The following TNFRSF10B variants were observed in gnomAD, a reference collection of about 807,000 sequenced individuals.
The protein encoded by TNFRSF10B is TNF receptor superfamily member 10b.
A neutral mutation model predicts 41.4 loss-of-function variants in TNFRSF10B; 35 were observed. The ratio of observed to expected loss-of-function variants is 0.85; its 90% CI spans 0.65 to 1.12. TNFRSF10B has a LOEUF of 1.12. TNFRSF10B is among the 50% of genes most tolerant of loss of function. The probability of loss-of-function intolerance (pLI) is 0.00; values close to 1 mark genes in which losing one functional copy is unlikely to be tolerated. For missense variants in TNFRSF10B, 584 were observed against 552.7 expected (o/e 1.06, Z -0.57); for synonymous variants, 230 against 215.5 (o/e 1.07, Z -0.59).
intron 7 of TNFRSF10B, 125 bp downstream of exon 7, chr8:23,027,008 C>G: frequency 1.4e-6 from 2 of 1,446,048 alleles, no homozygotes; most frequent in Non-Finnish European, 1.9e-6. Context: ...CCCCTGCAGT[C>G]CCCTGGCTCC....
At chr8:23,025,034 C>T (rs1201751365) in intron 7 of TNFRSF10B, among the ~76,000 whole-genome samples, 3 of 152,026 alleles carry the variant, frequency 2.0e-5, no homozygotes, top group Admixed American at 6.5e-5. Context: ...AACTGTCGTC[C>T]GAGCTACTCA....
In TNFRSF10B at chr8:23,022,713, C is replaced by A. The variant is rs778266094; in HGVS notation, c.1281G>T (p.Lys427Asn). The A allele has an allele frequency of 1.9e-6, 3 of 1,613,948 alleles. No homozygotes were observed. In the African/African-American group the frequency reaches 4.0e-5, roughly 22 times the overall value. The change falls in exon 9 of 9, where the codon AAG (lysine) becomes AAT (asparagine). Residue 427 changes from lysine to asparagine, a missense_variant. Transcript: ENST00000276431. ...KIEDHLLSSG[K>N]FMYLEGNADS... Reference sequence around the variant, plus strand: ...CTGCATTACCTTCTAGATACATGAACTTTCCAGAGCTCAACAAGTGGTCCT... The same window carrying A: ...CTGCATTACCTTCTAGATACATGAAATTTCCAGAGCTCAACAAGTGGTCCT...
chr8:23,041,446 C>T (rs62503609), intron 2 of TNFRSF10B, among the ~76,000 whole-genome samples: 1,559 of 152,162 alleles, frequency 0.01, 12 homozygotes, highest in Admixed American at 0.015. Flanking sequence ...GTGAGAGGAT[C>T]GCTTGAGCCC....
chr8:23,040,347 A>ATATG (rs1448714222), intron 2 of TNFRSF10B, among the ~76,000 whole-genome samples: 1 of 37,684 alleles, frequency 2.7e-5, no homozygotes, highest in Non-Finnish European at 5.5e-5. Flanking sequence ...TTTATTAAAT[A>ATATG]TATACAAAAT....
In TNFRSF10B at chr8:23,030,958, G is replaced by C. The variant is rs541783446; in HGVS notation, c.251-86C>G. On this transcript the variant is annotated intron_variant, in intron 2 of 8. Coordinates refer to ENST00000276431, the MANE Select transcript of TNFRSF10B (RefSeq NM_003842.5). ...GGTGGCTGGGGGACTCCTCTTTCAG[G>C]GATGTGTGGAACCAAAAGAGGGAAA... 7 of 927,976 alleles carry C rather than the reference G, an allele frequency of 7.5e-6. No homozygotes were observed. In the South Asian group the frequency reaches 8.4e-5, roughly 11 times the overall value. The allele number at this position is 927,976 out of a possible 1,614,324, so 57.5% of individuals were successfully genotyped here. A position where few individuals can be genotyped will look rare whatever the true frequency, so the allele number is the denominator to read the frequency against.
intron 1 of TNFRSF10B, among the ~76,000 whole-genome samples, chr8:23,062,230 T>C (rs1812851652): frequency 6.6e-6 from 1 of 152,146 alleles, no homozygotes; most frequent in African/African-American, 2.4e-5. Context: ...TCTTTTTCTT[T>C]CTTTCTTTGA....
intron 1 of TNFRSF10B, among the ~76,000 whole-genome samples, chr8:23,058,300 T>C (rs894374307): frequency 1.4e-4 from 21 of 152,212 alleles, no homozygotes; most frequent in South Asian, 2.1e-4. Context: ...TGCTTTTTCA[T>C]CCTTCTAACC....
chr8:23,029,079 GA>G (rs983575220), intron 4 of TNFRSF10B, among the ~76,000 whole-genome samples: 1 of 152,130 alleles, frequency 6.6e-6, no homozygotes, highest in African/African-American at 2.4e-5. Flanking sequence ...CCCAAATAGG[GA>G]AAAGACAGGT....
chr8:23,042,897 C>T (rs1226661789), intron 2 of TNFRSF10B: 6 of 454,244 alleles, frequency 1.3e-5, no homozygotes, highest in Non-Finnish European at 2.4e-5. Flanking sequence ...GCCTCACCAG[C>T]CCCATCTCTG....
At chr8:23,031,550 G>A (rs1428959646) in intron 2 of TNFRSF10B, among the ~76,000 whole-genome samples, 1 of 151,942 alleles carries the variant, frequency 6.6e-6, no homozygotes. Flanking sequence ...ACCACACCGG[G>A]TTAATTTTTA....
In TNFRSF10B at chr8:23,022,827, C is replaced by A; in HGVS notation, c.1167G>T (p.Trp389Cys). ...AGGCATCTCGCCCGGTTTTGTTGAC[C>A]CACTTTATCAGCATCGTGTACAAGG... ...RDTLYTMLIK[W>C]VNKTGRDASV... The change falls in exon 9 of 9, where the codon TGG (tryptophan) becomes TGT (cysteine). Residue 389 changes from tryptophan (W) to cysteine (C), a missense_variant. Transcript: ENST00000276431. The A allele has an allele frequency of 1.2e-6, 2 of 1,613,944 alleles. No homozygotes were observed. The highest frequency in any genetic ancestry group is 1.7e-6 in the Non-Finnish European group (2 of 1,179,938).
chr8:23,041,664 A>G (rs1237228880), intron 2 of TNFRSF10B, among the ~76,000 whole-genome samples: 1 of 151,970 alleles, frequency 6.6e-6, no homozygotes, highest in African/African-American at 2.4e-5. Flanking sequence ...TAGGAGAACC[A>G]GTGTACAAAC....
intron 1 of TNFRSF10B, among the ~76,000 whole-genome samples, chr8:23,043,906 G>T (rs1431067440): frequency 1.3e-5 from 2 of 152,130 alleles, no homozygotes; most frequent in African/African-American, 4.8e-5. Context: ...TGGCCTATAT[G>T]GTATAGCCTT....
chr8:23,024,354 AC>A (rs1478009091), intron 7 of TNFRSF10B, 94 bp from the exon 8 acceptor site: 1 of 1,342,740 alleles, frequency 7.4e-7, no homozygotes, highest in Non-Finnish European at 1.1e-6. Context: ...GACCTGCAGC[AC>A]GTCACTTCCA....
intron 1 of TNFRSF10B, among the ~76,000 whole-genome samples, chr8:23,063,622 T>C (rs1170371726): frequency 6.6e-6 from 1 of 152,176 alleles, no homozygotes; most frequent in African/African-American, 2.4e-5. Flanking sequence ...GCCTGCGTTA[T>C]CATCATTTCC....
intron 1 of TNFRSF10B, among the ~76,000 whole-genome samples, chr8:23,068,060 T>G (rs1813048852): frequency 6.6e-6 from 1 of 152,222 alleles, no homozygotes; most frequent in Non-Finnish European, 1.5e-5. Context: ...CAGCTGCTAT[T>G]ATCAAGCAGG....
chr8:23,061,156 C>T (rs1812821164), intron 1 of TNFRSF10B, among the ~76,000 whole-genome samples: 1 of 152,174 alleles, frequency 6.6e-6, no homozygotes, highest in Admixed American at 6.5e-5. Flanking sequence ...ACACCTTCAT[C>T]ATGACATAAT....
At chr8:23,044,135 C>A (rs1812286739) in intron 1 of TNFRSF10B, among the ~76,000 whole-genome samples, 1 of 152,126 alleles carries the variant, frequency 6.6e-6, no homozygotes, top group Non-Finnish European at 1.5e-5. Flanking sequence ...AAAACAATGA[C>A]CTCGGACCTT....
At chr8:23,040,710 T>A (rs2128815025) in intron 2 of TNFRSF10B, among the ~76,000 whole-genome samples, 1 of 152,020 alleles carries the variant, frequency 6.6e-6, no homozygotes, top group East Asian at 1.9e-4. Context: ...AGGCAGAGAG[T>A]GGCAGAATGA....
Sources: gnomAD v4.1 joint callset for allele counts (sites outside exome capture counted in the v4.1 genomes callset) on GRCh38, gnomAD v4.1.1 for gene constraint, MANE v1.5 for transcripts, NCBI Gene and HGNC (gene_info 2026-07-23, HGNC 2026-07-21) for gene names.